Variants in CRYBG1 observed in about 807,000 individuals in gnomAD.
CRYBG1 encodes the protein beta/gamma crystallin domain-containing protein 1.
CRYBG1 carries 139 observed loss-of-function variants against 189.2 expected under a neutral mutation model. The ratio of observed to expected loss-of-function variants is 0.73; its 90% CI spans 0.64 to 0.85. The LOEUF (loss-of-function observed/expected upper bound fraction) is 0.85. Among genes scored for constraint, CRYBG1 ranks in the 40% least tolerant of loss-of-function variants. CRYBG1 has a pLI of 0.00. For synonymous variants in CRYBG1, 1,023 were observed against 1,017.1 expected, an observed-to-expected ratio of 1.01 and a Z score of -0.11; for missense variants, 2,611 against 2,675.8, an observed-to-expected ratio of 0.98 and a Z score of 0.53.
At chr6:106,373,946 G>C (rs936956353) in intron 1 of CRYBG1, among the ~76,000 whole-genome samples, 1 of 152,228 alleles carries the variant, frequency 6.6e-6, no homozygotes, top group South Asian at 2.1e-4. Context: ...ATGTGTGACT[G>C]TAACTGAGCA....
At chr6:106,367,753 T>TAGGAGTTCA (rs1562287349) in intron 1 of CRYBG1, among the ~76,000 whole-genome samples, 1 of 148,426 alleles carries the variant, frequency 6.7e-6, no homozygotes, top group Non-Finnish European at 1.5e-5. Flanking sequence ...TGCTTGAGCC[T>TAGGAGTTCA]AGGAGTTCAA....
In CRYBG1 at chr6:106,570,738, T is replaced by G. The variant is rs1298050818; in HGVS notation, c.*2172T>G. 25 of 152,160 alleles carry G rather than the reference T, an allele frequency of 1.6e-4. No homozygotes were observed. The highest frequency in any genetic ancestry group is 1.6e-3 in the Admixed American group (25 of 15,276). The allele number at this position is 152,160 out of a possible 1,614,324, so 9.4% of individuals were successfully genotyped here. On this transcript the variant is annotated 3_prime_UTR_variant, in exon 22 of 22. Coordinates refer to ENST00000633556, the MANE Select transcript of CRYBG1 (RefSeq NM_001371242.2). ...GATGGAAGTCAAGAGCAGCTGGTAT[T>G]TACACCTGGAAAATCAGATTTTTTT...
At chr6:106,416,999 C>CTTTTTTTTTTTTTTTTTTTT (rs71663353) in intron 1 of CRYBG1, among the ~76,000 whole-genome samples, 1 of 69,498 alleles carries the variant, frequency 1.4e-5, no homozygotes, top group Non-Finnish European at 2.5e-5. Flanking sequence ...ATGGGATTTA[C>CTTTTTTTTTTTTTTTTTTTT]TTTTTTTTTT....
rs550922342 is a variant in CRYBG1 at position 106,528,385 on chromosome 6, G to T, written c.4578+915G>T. 4.6e-5 allele frequency among the ~76,000 whole-genome samples: 7 copies of T among 152,270 alleles called. 1 individual carries two copies. The highest frequency in any genetic ancestry group is 1.7e-4 in the African/African-American group (7 of 41,566). ...CTGCTCAAATAATATTGGAAATAAA[G>T]CAATGTTTAAAAAGATCATCTGATT... On this transcript the variant is annotated intron_variant, in intron 7 of 21. Transcript: ENST00000633556.
At chr6:106,566,088 T>C (rs1467245037) in intron 21 of CRYBG1, among the ~76,000 whole-genome samples, 2 of 151,782 alleles carry the variant, frequency 1.3e-5, no homozygotes, top group Non-Finnish European at 2.9e-5. Flanking sequence ...AGAGCTTTCT[T>C]CTCTTATTCT....
At chr6:106,411,993 G>A (rs113843682) in intron 1 of CRYBG1, among the ~76,000 whole-genome samples, 10 of 152,314 alleles carry the variant, frequency 6.6e-5, no homozygotes, top group Non-Finnish European at 8.8e-5. Context: ...GTGTCCACCC[G>A]CATTGAGCGT....
chr6:106,559,600 G>A (rs1380512064), intron 18 of CRYBG1, among the ~76,000 whole-genome samples: 1 of 151,794 alleles, frequency 6.6e-6, no homozygotes, highest in East Asian at 1.9e-4. Context: ...CCTGGCCAAC[G>A]TGGTGAAACC....
At chr6:106,528,302 G>T (rs1159797154) in intron 7 of CRYBG1, among the ~76,000 whole-genome samples, 2 of 152,244 alleles carry the variant, frequency 1.3e-5, no homozygotes, top group Admixed American at 6.5e-5. Context: ...TAAGACTTGA[G>T]AAACCCTATT....
chr6:106,451,852 G>A lies in CRYBG1; in HGVS notation c.312+20G>A, dbSNP rs1328801660. On this transcript the variant is annotated intron_variant, in intron 2 of 21. Transcript: ENST00000633556. ...AAAAAGGTAATGCTTCATTTCTAAT[G>A]TTTGACTCCCAAGAATAAACCCTTT... 15 of 1,530,450 alleles carry A rather than the reference G, an allele frequency of 9.8e-6. No individual in the cohort carries two copies. Among genetic ancestry groups the A allele is most frequent in the Non-Finnish European group, 1.1e-5 (13 of 1,143,716 alleles). The allele number at this position is 1,530,450 out of a possible 1,614,324, so 94.8% of individuals were successfully genotyped here.
intron 2 of CRYBG1, among the ~76,000 whole-genome samples, chr6:106,505,701 T>G (rs1228575607): frequency 1.3e-5 from 2 of 150,924 alleles, no homozygotes; most frequent in Non-Finnish European, 2.9e-5. Context: ...TCCTATATTT[T>G]TAAGCCACAC....
At chr6:106,525,802 G>A (rs1773726975) in intron 6 of CRYBG1, among the ~76,000 whole-genome samples, 1 of 147,370 alleles carries the variant, frequency 6.8e-6, no homozygotes, top group Non-Finnish European at 1.5e-5. Context: ...CGTAGGAAAA[G>A]GCAAAGTAAA....
intron 2 of CRYBG1, among the ~76,000 whole-genome samples, chr6:106,455,861 A>G (rs949922342): frequency 2.7e-4 from 41 of 152,302 alleles, no homozygotes; most frequent in African/African-American, 9.4e-4. Context: ...GTGCATGTGT[A>G]GAAGTTTGTG....
chr6:106,530,702 C>T (rs1281080905), intron 8 of CRYBG1, among the ~76,000 whole-genome samples: 1 of 152,022 alleles, frequency 6.6e-6, no homozygotes, highest in Admixed American at 6.5e-5. Context: ...ATGGTACTTC[C>T]TTGAATATTT....
intron 2 of CRYBG1, among the ~76,000 whole-genome samples, chr6:106,472,115 CTG>C (rs1414843793): frequency 6.6e-6 from 1 of 152,120 alleles, no homozygotes; most frequent in Non-Finnish European, 1.5e-5. Context: ...CAAATATAAA[CTG>C]TTTCTGCTTT....
rs1189748740 is a variant in CRYBG1, at chr6:106,520,482, G to A, written c.3274G>A (p.Ala1092Thr). 6.2e-7 allele frequency: 1 copy of A among 1,614,148 alleles called. No individual in the cohort carries two copies. ...DSPASLLNISAGSDDSVFDSS... is the reference protein window; with the variant it reads ...DSPASLLNISTGSDDSVFDSS... The stretch of plus-strand genomic sequence containing the variant: ...CCCTGCCAGCCTTTTGAACATTTCT[G>A]CTGGTAGTGATGATAGTGTATTTGA... Residue 1092 changes from alanine (A) to threonine (T), a missense_variant, in exon 4 of 22, where the codon GCT becomes ACT. Coordinates refer to ENST00000633556, the MANE Select transcript of CRYBG1 (RefSeq NM_001371242.2).
intron 1 of CRYBG1, among the ~76,000 whole-genome samples, chr6:106,438,525 T>C (rs920513279): frequency 2.6e-5 from 4 of 152,166 alleles, no homozygotes; most frequent in Non-Finnish European, 5.9e-5. Context: ...GGTGTTCTCG[T>C]TGGCTTCCCA....
At chr6:106,498,830 T>C (rs138920229) in intron 2 of CRYBG1, among the ~76,000 whole-genome samples, 3,819 of 151,720 alleles carry the variant, frequency 0.025, 167 homozygotes, top group African/African-American at 0.088. Flanking sequence ...GCCAAGATCA[T>C]GCCACTGCAC....
At chr6:106,498,083 A>G (rs1256839997) in intron 2 of CRYBG1, among the ~76,000 whole-genome samples, 1 of 150,290 alleles carries the variant, frequency 6.7e-6, no homozygotes, top group Non-Finnish European at 1.5e-5. Context: ...CCTGGGCTAC[A>G]GAGCGAGACT....
chr6:106,546,300 C>A (rs550516565), intron 13 of CRYBG1, among the ~76,000 whole-genome samples: 2 of 152,298 alleles, frequency 1.3e-5, no homozygotes, highest in South Asian at 4.1e-4. Flanking sequence ...AATGTCTATT[C>A]TAATTTGTTA....
Sources: gnomAD v4.1 joint callset for allele counts (sites outside exome capture counted in the v4.1 genomes callset) on GRCh38, gnomAD v4.1.1 for gene constraint, MANE v1.5 for transcripts, NCBI Gene and HGNC (gene_info 2026-07-23, HGNC 2026-07-21) for gene names.